VAT1L: variants seen among roughly 807,000 people sequenced by gnomAD.
VAT1L encodes putative NADPH-dependent quinone oxidoreductase VAT1L.
In VAT1L, 34 loss-of-function variants were observed where a neutral mutation model predicts 44.1. The observed-to-expected ratio is 0.77, with a 90% CI of 0.59 to 1.03. The LOEUF is 1.03. VAT1L is among the 50% of genes least tolerant of loss of function. The pLI, the probability that VAT1L is intolerant of heterozygous loss-of-function variation, is 0.00. For synonymous variants in VAT1L, 253 were observed against 202.2 expected, an observed-to-expected ratio of 1.25 and a Z score of -2.13; for missense variants, 615 against 538.8, an observed-to-expected ratio of 1.14 and a Z score of -1.40.
At chr16:77,858,913 G>A (rs1170043654) in intron 3 of VAT1L, among the ~76,000 whole-genome samples, 5 of 151,992 alleles carry the variant, frequency 3.3e-5, no homozygotes, top group South Asian at 4.2e-4. Context: ...AGGCGGGCGG[G>A]TCACCTGAGG....
chr16:77,939,355 G>A (rs1194110473), intron 7 of VAT1L, among the ~76,000 whole-genome samples: 1 of 151,348 alleles, frequency 6.6e-6, no homozygotes, highest in Non-Finnish European at 1.5e-5. Flanking sequence ...CATCAGTGGT[G>A]TTATATCATA....
intron 1 of VAT1L, among the ~76,000 whole-genome samples, chr16:77,790,962 C>G (rs904902609): frequency 6.6e-6 from 1 of 152,180 alleles, no homozygotes; most frequent in Non-Finnish European, 1.5e-5. Flanking sequence ...ACACAGAAAT[C>G]ACTGCACTTC....
chr16:77,939,411 G>T (rs1049891779), intron 7 of VAT1L, among the ~76,000 whole-genome samples: 12 of 152,142 alleles, frequency 7.9e-5, no homozygotes, highest in Non-Finnish European at 1.3e-4. Context: ...GGGGACGGTG[G>T]GAGTAGTTAG....
At chr16:77,899,305 G>A (rs925635104) in intron 7 of VAT1L, among the ~76,000 whole-genome samples, 2 of 152,188 alleles carry the variant, frequency 1.3e-5, no homozygotes, top group African/African-American at 2.4e-5. Flanking sequence ...CTCCAGGAGC[G>A]GCGATGACTT....
chr16:77,796,576 AAT>A (rs1276793450), intron 1 of VAT1L, among the ~76,000 whole-genome samples: 1 of 152,240 alleles, frequency 6.6e-6, no homozygotes, highest in Non-Finnish European at 1.5e-5. Context: ...TCACTTTGTT[AAT>A]GATATGCACT....
intron 7 of VAT1L, among the ~76,000 whole-genome samples, chr16:77,961,825 A>G (rs571613748): frequency 1.4e-4 from 21 of 152,196 alleles, no homozygotes; most frequent in Non-Finnish European, 2.1e-4. Context: ...ATCTTAGGTG[A>G]AACACTTAGC....
At chr16:77,945,842 G>T (rs960994470) in intron 7 of VAT1L, among the ~76,000 whole-genome samples, 10 of 146,180 alleles carry the variant, frequency 6.8e-5, no homozygotes, top group African/African-American at 2.0e-4. Context: ...TCGCTCTGTC[G>T]CCCAGGCTGG....
chr16:77,824,952 C>T (rs1427988943), intron 2 of VAT1L, among the ~76,000 whole-genome samples: 24 of 148,422 alleles, frequency 1.6e-4, no homozygotes, highest in African/African-American at 2.0e-4. Context: ...CTGCAACCTC[C>T]GCCTCCTGGG....
In VAT1L at chr16:77,934,872, A is replaced by T. The variant is rs146108318; in HGVS notation, c.1078-36978A>T. On this transcript the variant is annotated intron_variant, in intron 7 of 8. Coordinates refer to ENST00000302536, the MANE Select transcript of VAT1L (RefSeq NM_020927.3). Reference sequence around the variant, plus strand: ...AGACAATGGAGACATGAGGATGAGTAAGATGCAGGGCCCGGTCTGGTGGAT... The same window carrying T: ...AGACAATGGAGACATGAGGATGAGTTAGATGCAGGGCCCGGTCTGGTGGAT... Among the ~76,000 whole-genome samples, 301 of 152,330 alleles carry T rather than the reference A, an allele frequency of 2.0e-3. 2 individuals carry two copies. The highest frequency in any genetic ancestry group is 6.4e-3 in the African/African-American group (264 of 41,560).
chr16:77,788,887 G>A lies in VAT1L; in HGVS notation c.205G>A (p.Gly69Ser), dbSNP rs1480066094. Reference sequence around the variant, plus strand: ...GAAGGCCATGCCCGAGCCTCAGGACGGCGAGCTCAAGATCCGCGTCAAAGC... The same window carrying A: ...GAAGGCCATGCCCGAGCCTCAGGACAGCGAGCTCAAGATCCGCGTCAAAGC... ...FRKAMPEPQDGELKIRVKACG... is the reference protein window; with the variant it reads ...FRKAMPEPQDSELKIRVKACG... Residue 69 changes from glycine to serine, a missense_variant, in exon 1 of 9, where the codon GGC becomes AGC. Transcript: ENST00000302536. 3 of 1,547,022 alleles carry A rather than the reference G, an allele frequency of 1.9e-6. No individual in the cohort carries two copies. The Admixed American group carries it at 6.1e-5, about 32-fold the overall frequency.
intron 7 of VAT1L, among the ~76,000 whole-genome samples, chr16:77,904,240 G>A (rs6564481): frequency 0.55 from 81,689 of 147,748 alleles, 22,416 homozygotes; most frequent in Middle Eastern, 0.68. Flanking sequence ...TGGTTTGTCT[G>A]TTCTGAGGTT....
At chr16:77,933,186 C>A (rs77205259) in intron 7 of VAT1L, among the ~76,000 whole-genome samples, 1 of 152,194 alleles carries the variant, frequency 6.6e-6, no homozygotes, top group East Asian at 1.9e-4. Flanking sequence ...AGTTTCATCA[C>A]TCTCTCTCAT....
intron 7 of VAT1L, among the ~76,000 whole-genome samples, chr16:77,895,256 C>A (rs1483192334): frequency 6.6e-6 from 1 of 152,128 alleles, no homozygotes; most frequent in Non-Finnish European, 1.5e-5. Flanking sequence ...CCCAATGGAC[C>A]AAAGAAATTA....
At chr16:77,887,568 A>G (rs186871395) in intron 7 of VAT1L, among the ~76,000 whole-genome samples, 5 of 152,214 alleles carry the variant, frequency 3.3e-5, no homozygotes, top group South Asian at 2.1e-4. Context: ...CTCATCTCCA[A>G]CCCTCAGTGC....
chr16:77,822,747 T>G (rs183747427), intron 2 of VAT1L, among the ~76,000 whole-genome samples: 15 of 152,248 alleles, frequency 9.9e-5, no homozygotes, highest in African/African-American at 3.6e-4. Context: ...TCACATTGAT[T>G]AATTACTTGC....
chr16:77,920,716 C>A (rs1290254964), intron 7 of VAT1L, among the ~76,000 whole-genome samples: 1 of 152,056 alleles, frequency 6.6e-6, no homozygotes, highest in African/African-American at 2.4e-5. Context: ...ACATGCTTAC[C>A]ATTGGGTTAC....
chr16:77,856,300 T>C (rs891216726), intron 3 of VAT1L, among the ~76,000 whole-genome samples: 1 of 152,216 alleles, frequency 6.6e-6, no homozygotes, highest in Middle Eastern at 3.4e-3. Context: ...ATAGACATTT[T>C]CCTAAGCCAT....
chr16:77,850,057 C>T (rs922143904), intron 3 of VAT1L, among the ~76,000 whole-genome samples: 6 of 152,184 alleles, frequency 3.9e-5, no homozygotes, highest in Admixed American at 2.0e-4. Context: ...AACATGGACA[C>T]GCGTGCCAGG....
In VAT1L at chr16:77,955,832, A is replaced by G. The variant is rs527958125; in HGVS notation, c.1078-16018A>G. On this transcript the variant is annotated intron_variant, in intron 7 of 8. Coordinates refer to ENST00000302536, the MANE Select transcript of VAT1L (RefSeq NM_020927.3). ...AATAAACCATTCCTGGTCCTGCAATACAATACCCAGCGTCCTACATCCTTC... is the reference window on the plus strand; with the variant it reads ...AATAAACCATTCCTGGTCCTGCAATGCAATACCCAGCGTCCTACATCCTTC... 2.0e-4 allele frequency among the ~76,000 whole-genome samples: 30 copies of G among 152,058 alleles called. 1 individual carries two copies. Among genetic ancestry groups the G allele is most frequent in the Non-Finnish European group, 4.4e-4 (30 of 68,008 alleles).
Sources: gnomAD v4.1 joint callset for allele counts (sites outside exome capture counted in the v4.1 genomes callset) on GRCh38, gnomAD v4.1.1 for gene constraint, MANE v1.5 for transcripts, NCBI Gene and HGNC (gene_info 2026-07-23, HGNC 2026-07-21) for gene names.